The following GRID2 variants were observed in gnomAD, a reference collection of about 807,000 sequenced individuals.
GRID2 encodes the protein glutamate receptor ionotropic, delta-2.
Under a neutral mutation model 114.8 loss-of-function variants are expected in GRID2, and 33 were observed. The ratio of observed to expected loss-of-function variants is 0.29; its 90% CI spans 0.22 to 0.38. The LOEUF (loss-of-function observed/expected upper bound fraction) is 0.38, where lower values mean the gene tolerates loss of function less well. GRID2 is among the 10% of genes least tolerant of loss of function. GRID2 has a pLI of 1.00. For missense variants in GRID2, 1,184 were observed against 1,257.7 expected (o/e 0.94, Z 0.89); for synonymous variants, 505 against 449.9 (o/e 1.12, Z -1.55).
chr4:92,322,217 T>C (rs962524308), intron 1 of GRID2, among the ~76,000 whole-genome samples: 6 of 152,132 alleles, frequency 3.9e-5, no homozygotes, highest in Admixed American at 3.3e-4. Flanking sequence ...TAAGGTTAAC[T>C]GTTCTTTCAA....
chr4:93,093,161 G>T (rs1730925277), intron 3 of GRID2, among the ~76,000 whole-genome samples: 2 of 151,994 alleles, frequency 1.3e-5, no homozygotes, highest in African/African-American at 4.8e-5. Flanking sequence ...GTTGGCCCCT[G>T]CACATATTAC....
At chr4:93,303,965 A>C (rs1755144456) in intron 8 of GRID2, among the ~76,000 whole-genome samples, 1 of 152,002 alleles carries the variant, frequency 6.6e-6, no homozygotes, top group South Asian at 2.1e-4. Flanking sequence ...GAGTATACTA[A>C]TTGAATTATA....
intron 2 of GRID2, among the ~76,000 whole-genome samples, chr4:92,679,253 A>AT (rs1733529955): frequency 6.6e-6 from 1 of 151,700 alleles, no homozygotes; most frequent in Non-Finnish European, 1.5e-5. Flanking sequence ...TAGTTCTTTT[A>AT]TTTTTTGCAG....
At chr4:93,569,009 C>T (rs1189767233) in intron 13 of GRID2, among the ~76,000 whole-genome samples, 1 of 152,152 alleles carries the variant, frequency 6.6e-6, no homozygotes, top group Non-Finnish European at 1.5e-5. Context: ...ACTGGAGCTG[C>T]TTTGCCAAAA....
chr4:93,530,130 T>C (rs1731300445), intron 13 of GRID2, among the ~76,000 whole-genome samples: 1 of 152,122 alleles, frequency 6.6e-6, no homozygotes, highest in Admixed American at 6.6e-5. Flanking sequence ...CTACTTCCAA[T>C]TTAGTAATTC....
intron 8 of GRID2, among the ~76,000 whole-genome samples, chr4:93,355,319 C>CAAT (rs201171752): frequency 0.045 from 6,811 of 152,034 alleles, 179 homozygotes; most frequent in South Asian, 0.068. Flanking sequence ...TCATCTGACA[C>CAAT]CTTGGTTGAG....
At chr4:93,324,314 T>TTTTGTC (rs1348150907) in intron 8 of GRID2, among the ~76,000 whole-genome samples, 3 of 152,150 alleles carry the variant, frequency 2.0e-5, no homozygotes, top group African/African-American at 7.2e-5. Context: ...ATCATGTGGT[T>TTTTGTC]TTTGTCTTTC....
chr4:93,206,703 TCAAA>T (rs531988271), intron 4 of GRID2, among the ~76,000 whole-genome samples: 568 of 151,918 alleles, frequency 3.7e-3, no homozygotes, highest in Non-Finnish European at 7.0e-3. Context: ...CTGAAGTTAG[TCAAA>T]CAAAGAGTGC....
intron 2 of GRID2, among the ~76,000 whole-genome samples, chr4:92,951,415 C>G (rs1469799824): frequency 2.6e-5 from 4 of 151,862 alleles, no homozygotes; most frequent in African/African-American, 9.7e-5. Context: ...GTGGCGCAGT[C>G]ACACCTCGCT....
intron 13 of GRID2, among the ~76,000 whole-genome samples, chr4:93,533,373 CTCTT>C (rs140886175): frequency 0.19 from 23,194 of 122,242 alleles, 2,842 homozygotes; most frequent in Middle Eastern, 0.29. Context: ...ACTTCTCTCT[CTCTT>C]TCTTTCTTTC....
At chr4:92,957,844 T>C (rs1752519943) in intron 2 of GRID2, among the ~76,000 whole-genome samples, 1 of 152,068 alleles carries the variant, frequency 6.6e-6, no homozygotes. Context: ...AGATTTGTAG[T>C]TTTCCTCATA....
intron 4 of GRID2, among the ~76,000 whole-genome samples, chr4:93,187,431 A>G (rs1160374573): frequency 6.6e-6 from 1 of 151,964 alleles, no homozygotes; most frequent in Non-Finnish European, 1.5e-5. Flanking sequence ...ATGTGCCACC[A>G]CACCCAACTA....
At chr4:92,801,540 ATTTC>A (rs927418830) in intron 2 of GRID2, among the ~76,000 whole-genome samples, 5 of 151,806 alleles carry the variant, frequency 3.3e-5, no homozygotes, top group African/African-American at 1.2e-4. Context: ...TAGCATATAG[ATTTC>A]TTTGTTTTAT....
chr4:92,463,803 A>G (rs569508236), intron 1 of GRID2, among the ~76,000 whole-genome samples: 18 of 152,066 alleles, frequency 1.2e-4, no homozygotes, highest in Middle Eastern at 3.4e-3. Context: ...CCAATTGCCT[A>G]TATTTCTTGT....
chr4:93,028,681 A>G (rs909863462), intron 2 of GRID2, among the ~76,000 whole-genome samples: 3 of 152,038 alleles, frequency 2.0e-5, no homozygotes, highest in Non-Finnish European at 4.4e-5. Context: ...AGTAAGCCCT[A>G]CATTCGCTTT....
In GRID2 at chr4:93,455,834, T is replaced by C; in HGVS notation, c.1718T>C (p.Ile573Thr). The change falls in exon 11 of 16, where the codon ATT (isoleucine) becomes ACT (threonine). Residue 573 changes from isoleucine (I) to threonine (T), a missense_variant. Ile to Thr is a moderately conservative substitution (Grantham distance 89). Around this residue, in one of 3 missense-constraint regions of GRID2, gnomAD observed 717 missense variants for 796.9 expected, o/e 0.90. Transcript: ENST00000282020. ...TTTGATCTCTCTCTATGGGCTTGCA[T>C]TGCTGGCACAGTCCTTCTGGTGGGT... is the stretch of plus-strand genomic sequence containing the variant. ...APFDLSLWAC[I>T]AGTVLLVGLL... The C allele has an allele frequency of 3.1e-6, 5 of 1,613,504 alleles. No homozygotes were observed. Among genetic ancestry groups the C allele is most frequent in the Non-Finnish European group, 4.2e-6 (5 of 1,179,460 alleles).
chr4:92,446,082 A>T (rs921227534), intron 1 of GRID2, among the ~76,000 whole-genome samples: 4 of 152,078 alleles, frequency 2.6e-5, no homozygotes, highest in Non-Finnish European at 5.9e-5. Flanking sequence ...AGTAGCTGGG[A>T]CTACAGGGTT....
At chr4:93,142,175 T>C (rs1735827235) in intron 4 of GRID2, among the ~76,000 whole-genome samples, 1 of 152,178 alleles carries the variant, frequency 6.6e-6, no homozygotes, top group Non-Finnish European at 1.5e-5. Flanking sequence ...ATGGTGCCAC[T>C]GCACTACAGC....
intron 2 of GRID2, among the ~76,000 whole-genome samples, chr4:92,664,322 C>T (rs186807871): frequency 3.0e-4 from 45 of 150,974 alleles, no homozygotes; most frequent in African/African-American, 8.7e-4. Context: ...TCCCTTATTT[C>T]TCTTTCGATC....
Sources: allele counts gnomAD v4.1 joint callset (sites outside exome capture counted in the v4.1 genomes callset), GRCh38; gene constraint gnomAD v4.1.1; regional missense constraint gnomAD v4.1.1; transcripts MANE v1.5; gene names NCBI Gene and HGNC (gene_info 2026-07-23, HGNC 2026-07-21).